The following SIDT2 variants were observed in gnomAD, a reference collection of about 807,000 sequenced individuals.
SIDT2 encodes the protein SID1 transmembrane family member 2.
In SIDT2, 68 loss-of-function variants were observed where a neutral mutation model predicts 114.4. That is an observed-to-expected ratio of 0.59 (90% CI 0.49 to 0.73). The LOEUF (loss-of-function observed/expected upper bound fraction) is 0.73. Among genes scored for constraint, SIDT2 ranks in the 30% least tolerant of loss-of-function variants. SIDT2 has a pLI of 0.00. For missense variants in SIDT2, 918 were observed against 1,097.1 expected, an observed-to-expected ratio of 0.84 and a Z score of 2.31; for synonymous variants, 470 against 438.4, an observed-to-expected ratio of 1.07 and a Z score of -0.90.
intron 8 of SIDT2, among the ~76,000 whole-genome samples, chr11:117,185,795 G>A (rs868229177): frequency 6.7e-6 from 1 of 150,040 alleles, no homozygotes; most frequent in Non-Finnish European, 1.5e-5. Flanking sequence ...GAAGGATGGA[G>A]CCTAGGAGTT....
intron 24 of SIDT2, chr11:117,194,284 G>A: frequency 4.8e-6 from 1 of 210,174 alleles, no homozygotes; most frequent in South Asian, 1.0e-4. Context: ...TTGCACTCTA[G>A]CCTGGACGAT....
At chr11:117,194,146 AAAAAAT>A (rs1266856100) in intron 24 of SIDT2, 183 bp downstream of exon 24, 6 of 530,672 alleles carry the variant, frequency 1.1e-5, no homozygotes, top group South Asian at 1.0e-4. Flanking sequence ...ACAAAAAATA[AAAAAAT>A]AAAAATAAAA....
intron 8 of SIDT2, among the ~76,000 whole-genome samples, chr11:117,185,222 T>C (rs543167288): frequency 6.6e-6 from 1 of 152,112 alleles, no homozygotes; most frequent in East Asian, 1.9e-4. Context: ...GCTAATTTTT[T>C]GTATTTTTAG....
At position 117,192,515 on chromosome 11, in the gene SIDT2, A is replaced by G; in HGVS notation, c.1982-59A>G. ...CTGGGCTCCTCAGCTGGCACATCCC[A>G]GGGGTCCAGCAAAGGAGGGTGCCCC... On this transcript the variant is annotated intron_variant, in intron 20 of 25. Coordinates refer to ENST00000324225, the MANE Select transcript of SIDT2 (RefSeq NM_001040455.2). This position sits in a 1 kb window ranked among gnomAD's most constrained non-coding sequence, Gnocchi z 5.9. 2 of 1,587,134 alleles carry G rather than the reference A, an allele frequency of 1.3e-6. No homozygotes were observed. Among genetic ancestry groups the G allele is most frequent in the Non-Finnish European group, 1.7e-6 (2 of 1,166,068 alleles).
chr11:117,193,808 CA>C (rs2030790662), intron 23 of SIDT2, 44 bp from the exon 24 acceptor site: 3 of 1,442,340 alleles, frequency 2.1e-6, no homozygotes, highest in African/African-American at 2.8e-5. Context: ...CGGGGTGGGA[CA>C]GGGGTAAGCC....
chr11:117,192,305 A>G lies in SIDT2; in HGVS notation c.1924A>G (p.Ile642Val), dbSNP rs752041201. 3.1e-6 allele frequency: 5 copies of G among 1,612,714 alleles called. No homozygotes were observed. In the South Asian group the frequency reaches 4.4e-5, roughly 14 times the overall value. ...AFWIVFSIIH[I>V]IATLLLSTQL... The stretch of plus-strand genomic sequence containing the variant: ...CTGGATCGTCTTCTCCATCATTCAC[A>G]TCATCGCCACCCTGCTCCTCAGCAC... The change falls in exon 20 of 26, where the codon ATC (isoleucine) becomes GTC (valine). Residue 642 changes from isoleucine to valine, a missense_variant. Around this residue, in one of 4 missense-constraint regions of SIDT2, gnomAD observed 275 missense variants for 397.6 expected, o/e 0.69. Coordinates refer to ENST00000324225, the MANE Select transcript of SIDT2 (RefSeq NM_001040455.2). The surrounding 1 kb of genome is among the most constrained non-coding windows in gnomAD (Gnocchi z 5.9).
At position 117,196,049 on chromosome 11, in the gene SIDT2, A is replaced by G; in HGVS notation, c.2482A>G (p.Lys828Glu). ...CGACCTGGATACTGTGCAGCGGGAC[A>G]AGATCTATGTCTTCTAGCAGGAGCT... ...DDDLDTVQRD[K>E]IYVF The change falls in exon 26 of 26, where the codon AAG (lysine) becomes GAG (glutamate). Residue 828 changes from lysine to glutamate, a missense_variant. By Grantham distance (56) the Lys-to-Glu change is moderately conservative. Around this residue, in one of 4 missense-constraint regions of SIDT2, gnomAD observed 275 missense variants for 397.6 expected, o/e 0.69. Coordinates refer to ENST00000324225, the MANE Select transcript of SIDT2 (RefSeq NM_001040455.2). The surrounding 1 kb of genome is among the most constrained non-coding windows in gnomAD (Gnocchi z 4.9). The G allele has an allele frequency of 1.2e-6, 2 of 1,614,236 alleles. No homozygotes were observed. The highest frequency in any genetic ancestry group is 1.7e-6 in the Non-Finnish European group (2 of 1,180,044).
Position 117,192,805 on chromosome 11 carries a change from C to A in SIDT2, c.2059-15C>A, listed in dbSNP as rs1192857577. On this transcript the variant is annotated splice_polypyrimidine_tract_variant and intron_variant, in intron 21 of 25. Transcript: ENST00000324225. This position sits in a 1 kb window ranked among gnomAD's most constrained non-coding sequence, Gnocchi z 5.9. ...TGCCCCTGCCCTCAGTCCCTGTGTC[C>A]CTGCTTCCCTCCAGGACCGCATGGT... is the stretch of plus-strand genomic sequence containing the variant. The A allele has an allele frequency of 6.2e-7, 1 of 1,614,034 alleles. No individual in the cohort carries two copies. The highest frequency in any genetic ancestry group is 8.5e-7 in the Non-Finnish European group (1 of 1,180,030).
rs2030299380 is a variant in SIDT2 at position 117,181,828 on chromosome 11, C to G, written c.327C>G (p.Tyr109Ter). The change falls in exon 3 of 26, where the codon TAC becomes TAG. Residue 109 changes from tyrosine (Y) to a stop codon, truncating the protein, a stop_gained. Coordinates refer to ENST00000324225, the MANE Select transcript of SIDT2 (RefSeq NM_001040455.2). LOFTEE classifies it high-confidence loss of function. ...LRGMFQRKYL[Y>*]QKVERTLCQP... is the part of the protein sequence containing the mutation. ...ATAGGTTTCAGCGCAAGTACCTCTACCAAAAAGTGGAACGAACCCTGTGTC... is the reference window on the plus strand; with the variant it reads ...ATAGGTTTCAGCGCAAGTACCTCTAGCAAAAAGTGGAACGAACCCTGTGTC... 1.2e-6 allele frequency: 2 copies of G among 1,614,164 alleles called. No individual in the cohort carries two copies. Among genetic ancestry groups the G allele is most frequent in the Non-Finnish European group, 1.7e-6 (2 of 1,180,018 alleles).
Position 117,179,323 on chromosome 11 carries a change from GGGGGTTCT to G in SIDT2, c.65_72del (p.Val22AlafsTer12). On this transcript the variant is annotated frameshift_variant, in exon 1 of 26. Coordinates refer to ENST00000324225, the MANE Select transcript of SIDT2 (RefSeq NM_001040455.2). LOFTEE classifies it high-confidence loss of function. ...TGGTGGCCTCGGTCGAGAGCCATCTGGGGGTTCTGGGGCCCAAGAACGTCTCGCAGAAA... is the reference window on the plus strand; with the variant it reads ...TGGTGGCCTCGGTCGAGAGCCATCTGGGGGCCCAAGAACGTCTCGCAGAAA... 1 of 1,614,188 alleles carries G rather than the reference GGGGGTTCT, an allele frequency of 6.2e-7. No individual in the cohort carries two copies. The highest frequency in any genetic ancestry group is 8.5e-7 in the Non-Finnish European group (1 of 1,180,032).
At chr11:117,183,933 G>A in intron 7 of SIDT2, 55 bp downstream of exon 7, 1 of 1,539,032 alleles carries the variant, frequency 6.5e-7, no homozygotes, top group Non-Finnish European at 9.0e-7. Flanking sequence ...GTCACTTTCT[G>A]GGAGCAAGAA....
At chr11:117,179,473 A>G (rs755586804) in intron 1 of SIDT2, 27 bp downstream of exon 1, 162 of 1,596,762 alleles carry the variant, frequency 1.0e-4, no homozygotes, top group Non-Finnish European at 1.3e-4. Context: ...TAGGGGCCAG[A>G]GGCGAGTGGG....
intron 1 of SIDT2, chr11:117,179,657 T>C (rs900890065): frequency 1.8e-6 from 1 of 555,828 alleles, no homozygotes; most frequent in Non-Finnish European, 3.1e-6. Flanking sequence ...GTTTTTGAAG[T>C]TGGCTCATTC....
rs767548704 is a variant in SIDT2, at chr11:117,191,984, C to A, written c.1842C>A (p.Ala614=). The change falls in exon 19 of 26, where the codon GCC becomes GCA. Residue 614 remains alanine, a synonymous_variant. Transcript: ENST00000324225. ...CCTACAGTGCCTACGCCTGCCTGGC[C>A]ATTGTCATCTTCTTCTCTGTGCTGG... The part of the protein sequence containing the change: ...ASAYSAYACL[A]IVIFFSVLGV... 2.5e-6 allele frequency: 4 copies of A among 1,614,216 alleles called. No individual in the cohort carries two copies. The Admixed American group carries it at 6.7e-5, about 27-fold the overall frequency.
At position 117,182,790 on chromosome 11, in the gene SIDT2, C is replaced by T. The variant is rs374975480; in HGVS notation, c.686C>T (p.Ala229Val). Residue 229 changes from alanine (A) to valine (V), a missense_variant, in exon 6 of 26, where the codon GCG becomes GTG. By Grantham distance (64) the Ala-to-Val change is moderately conservative (BLOSUM62 0). This residue lies in a region of SIDT2 where 553 missense variants were observed against 600.1 expected (regional missense o/e 0.92). Transcript: ENST00000324225. ...IGMYQTMTKK[A>V]AITVQRKDFP... is the part of the protein sequence containing the mutation. ...ATGTACCAGACGATGACCAAGAAGG[C>T]GGCCATCACCGTACAGGTAGGAAAT... 2.2e-5 allele frequency: 36 copies of T among 1,613,782 alleles called. No individual in the cohort carries two copies. The highest frequency in any genetic ancestry group is 4.0e-5 in the African/African-American group (3 of 74,926).
At chr11:117,183,336 ACT>A (rs959037256) in intron 6 of SIDT2, among the ~76,000 whole-genome samples, 6 of 150,350 alleles carry the variant, frequency 4.0e-5, no homozygotes, top group East Asian at 1.9e-4. Context: ...AAGGAGTGAA[ACT>A]CTGTCTCAAG....
At position 117,187,376 on chromosome 11, in the gene SIDT2, A is replaced by G. The variant is rs1198994616; in HGVS notation, c.1016-2A>G. 1 of 1,613,698 alleles carries G rather than the reference A, an allele frequency of 6.2e-7. No individual in the cohort carries two copies. Among genetic ancestry groups the G allele is most frequent in the African/African-American group, 1.3e-5 (1 of 74,840 alleles). On this transcript the variant is annotated splice_acceptor_variant, in intron 10 of 25. Transcript: ENST00000324225. LOFTEE classifies it high-confidence loss of function. ...CTAACAGACCTTGACTTCTCATTGC[A>G]GGTCACCCTCGAGTCCTGGCTGATT...
Position 117,189,377 on chromosome 11 carries a change from G to A in SIDT2, c.1395G>A (p.Val465=). ...CTGTCTTCTATGCCCTTCCTGTGGTGCAGCTGGTGATCACCTACCAGACGG... is the reference window on the plus strand; with the variant it reads ...CTGTCTTCTATGCCCTTCCTGTGGTACAGCTGGTGATCACCTACCAGACGG... ...TIAVFYALPV[V]QLVITYQTVV... is the part of the protein sequence containing the mutation. The change falls in exon 15 of 26, where the codon GTG becomes GTA. Residue 465 remains valine (V), a synonymous_variant. Transcript: ENST00000324225. 6.2e-7 allele frequency: 1 copy of A among 1,614,148 alleles called. No individual in the cohort carries two copies. The highest frequency in any genetic ancestry group is 8.5e-7 in the Non-Finnish European group (1 of 1,180,004).
chr11:117,190,599 T>G lies in SIDT2; in HGVS notation c.1618-24T>G. ...CTTCCTGCCTCACTTCCTCCCTCCC[T>G]TCCCTTCTCTCTCTCCCCAACAGGA... On this transcript the variant is annotated intron_variant, in intron 17 of 25. Coordinates refer to ENST00000324225, the MANE Select transcript of SIDT2 (RefSeq NM_001040455.2). This position sits in a 1 kb window ranked among gnomAD's most constrained non-coding sequence, Gnocchi z 4.1. 6.5e-7 allele frequency: 1 copy of G among 1,542,952 alleles called. No homozygotes were observed. Among genetic ancestry groups the G allele is most frequent in the Non-Finnish European group, 8.8e-7 (1 of 1,135,426 alleles).
Sources: gnomAD v4.1 joint callset for allele counts (sites outside exome capture counted in the v4.1 genomes callset) on GRCh38, gnomAD v4.1.1 for gene constraint, gnomAD v4.1.1 regional missense constraint, Gnocchi (gnomAD v3.1) non-coding constraint, MANE v1.5 for transcripts, NCBI Gene and HGNC (gene_info 2026-07-23, HGNC 2026-07-21) for gene names.